The following ARID2 variants were observed in gnomAD, a reference collection of about 807,000 sequenced individuals.
ARID2 encodes AT-rich interactive domain-containing protein 2.
In ARID2, 32 loss-of-function variants were observed where a neutral mutation model predicts 184.6. That is an observed-to-expected ratio of 0.17 (90% CI 0.13 to 0.23). The LOEUF (loss-of-function observed/expected upper bound fraction) is 0.23, where lower values mean the gene tolerates loss of function less well. Among genes scored for constraint, ARID2 ranks in the 10% least tolerant of loss-of-function variants. ARID2 has a pLI of 1.00. For missense variants in ARID2, 1,696 were observed against 2,197.6 expected (o/e 0.77, Z 4.56); for synonymous variants, 836 against 772.6 (o/e 1.08, Z -1.36).
At chr12:45,781,519 A>C (rs1421598040) in intron 3 of ARID2, among the ~76,000 whole-genome samples, 1 of 150,804 alleles carries the variant, frequency 6.6e-6, no homozygotes, top group African/African-American at 2.4e-5. Context: ...GTAAGTACCA[A>C]GTCTTACAAG....
chr12:45,875,009 G>C (rs190381353), intron 16 of ARID2, among the ~76,000 whole-genome samples: 2 of 152,322 alleles, frequency 1.3e-5, no homozygotes, highest in Non-Finnish European at 2.9e-5. Context: ...TGTGGTCCCA[G>C]TTACTCAGGA....
At chr12:45,887,530 C>T (rs2138225800) in intron 16 of ARID2, among the ~76,000 whole-genome samples, 1 of 152,184 alleles carries the variant, frequency 6.6e-6, no homozygotes, top group Admixed American at 6.5e-5. Flanking sequence ...CAATAGAATC[C>T]AATGTTGTAG....
intron 6 of ARID2, among the ~76,000 whole-genome samples, chr12:45,833,364 G>A (rs1051530320): frequency 6.6e-6 from 1 of 152,036 alleles, no homozygotes. Flanking sequence ...TGCTAATTAT[G>A]TTCATATTTT....
At chr12:45,833,788 C>CAT (rs1943164255) in intron 6 of ARID2, among the ~76,000 whole-genome samples, 1 of 152,078 alleles carries the variant, frequency 6.6e-6, no homozygotes, top group Non-Finnish European at 1.5e-5. Flanking sequence ...TAATTACAGC[C>CAT]TCTTATAATT....
Position 45,902,323 on chromosome 12 carries a change from T to C in ARID2, c.5364-2611T>C, listed in dbSNP as rs533995822. 3.0e-4 allele frequency among the ~76,000 whole-genome samples: 46 copies of C among 152,320 alleles called. 1 individual carries two copies. The South Asian group carries it at 8.5e-3, about 28-fold the overall frequency. On this transcript the variant is annotated intron_variant, in intron 20 of 20. Coordinates refer to ENST00000334344, the MANE Select transcript of ARID2 (RefSeq NM_152641.4). ...TCAAAAAGGAAATTATTAGTTACTTTAAAATCATCCTAGTGATTTCAGTTT... is the reference window on the plus strand; with the variant it reads ...TCAAAAAGGAAATTATTAGTTACTTCAAAATCATCCTAGTGATTTCAGTTT...
chr12:45,894,588 ATTGTT>A (rs968777465), intron 20 of ARID2, among the ~76,000 whole-genome samples: 19 of 152,336 alleles, frequency 1.2e-4, no homozygotes, highest in African/African-American at 3.8e-4. Context: ...ATTTGACTAT[ATTGTT>A]TTAAGATTTC....
chr12:45,771,053 C>A (rs537680956), intron 3 of ARID2, among the ~76,000 whole-genome samples: 1 of 152,064 alleles, frequency 6.6e-6, no homozygotes, highest in Non-Finnish European at 1.5e-5. Flanking sequence ...TAATTTAAAT[C>A]CACACACACA....
At chr12:45,746,491 GT>G (rs111282602) in intron 3 of ARID2, among the ~76,000 whole-genome samples, 7 of 149,510 alleles carry the variant, frequency 4.7e-5, no homozygotes, top group Non-Finnish European at 8.9e-5. Flanking sequence ...ATATGCTAAA[GT>G]TTTTTTTTTA....
At chr12:45,752,881 CTGT>C (rs1011896856) in intron 3 of ARID2, among the ~76,000 whole-genome samples, 13 of 152,220 alleles carry the variant, frequency 8.5e-5, no homozygotes, top group African/African-American at 3.1e-4. Flanking sequence ...ATCGGGGATA[CTGT>C]TGTTCTGTAA....
intron 6 of ARID2, among the ~76,000 whole-genome samples, chr12:45,833,239 T>C (rs1943154985): frequency 6.6e-6 from 1 of 152,186 alleles, no homozygotes; most frequent in South Asian, 2.1e-4. Context: ...ATTACGATGT[T>C]TTAGACTTAC....
chr12:45,731,142 G>C (rs982840874), intron 2 of ARID2, 75 bp from the exon 3 acceptor site: 6 of 1,061,218 alleles, frequency 5.7e-6, no homozygotes, highest in South Asian at 1.3e-5. Flanking sequence ...CTGTAGAATG[G>C]GTATTTATTT....
intron 20 of ARID2, among the ~76,000 whole-genome samples, chr12:45,900,909 C>T (rs1308065585): frequency 6.6e-6 from 1 of 151,716 alleles, no homozygotes; most frequent in Non-Finnish European, 1.5e-5. Context: ...ATCTGTTTTC[C>T]CCCCTCTAGA....
intron 3 of ARID2, among the ~76,000 whole-genome samples, chr12:45,758,441 G>A (rs1005839148): frequency 6.6e-6 from 1 of 151,044 alleles, no homozygotes; most frequent in African/African-American, 2.4e-5. Context: ...TTTATGTGTC[G>A]CCTAAGGCAA....
chr12:45,833,917 A>T (rs1172939232), intron 6 of ARID2, among the ~76,000 whole-genome samples: 1 of 151,856 alleles, frequency 6.6e-6, no homozygotes, highest in African/African-American at 2.4e-5. Flanking sequence ...TCTCTGCATA[A>T]CTCTTCCCTT....
intron 12 of ARID2, among the ~76,000 whole-genome samples, chr12:45,848,595 T>C (rs1214831128): frequency 6.6e-6 from 1 of 152,128 alleles, no homozygotes; most frequent in East Asian, 1.9e-4. Flanking sequence ...CTCATTGGGA[T>C]GTGAACATAG....
In ARID2 at chr12:45,819,745, G is replaced by A. The variant is rs12310468; in HGVS notation, c.638-1675G>A. 9.6e-4 allele frequency among the ~76,000 whole-genome samples: 144 copies of A among 150,228 alleles called. 3 individuals are homozygous for A. The South Asian group carries it at 0.025, about 26-fold the overall frequency. ...TGGTGGGTTTTTTGTTTGTTTTTTT[G>A]GGTTTTTTTTTTTTAAGAGACAGAA... On this transcript the variant is annotated intron_variant, in intron 5 of 20. Transcript: ENST00000334344.
At chr12:45,848,061 G>A (rs928401941) in intron 12 of ARID2, among the ~76,000 whole-genome samples, 1 of 151,662 alleles carries the variant, frequency 6.6e-6, no homozygotes, top group East Asian at 1.9e-4. Context: ...CCAGTTGCAC[G>A]TTTCTGCTAT....
chr12:45,880,998 G>A, intron 16 of ARID2: 1 of 195,204 alleles, frequency 5.1e-6, no homozygotes, highest in Non-Finnish European at 1.1e-5. Flanking sequence ...TTGAGGCATT[G>A]GAGAAGCCAA....
rs755925127 is a variant in ARID2, at chr12:45,852,788, T to C, written c.4665T>C (p.Ala1555=). The C allele has an allele frequency of 1.2e-6, 2 of 1,614,154 alleles. No homozygotes were observed. The highest frequency in any genetic ancestry group is 2.2e-5 in the South Asian group (2 of 91,082). The change falls in exon 15 of 21, where the codon GCT becomes GCC. Residue 1555 remains alanine, a synonymous_variant. Coordinates refer to ENST00000334344, the MANE Select transcript of ARID2 (RefSeq NM_152641.4). ...NNAGCSATMV[A]VPAGADPSTV... ...CTGGCTGCAGCGCAACAATGGTTGC[T>C]GTGCCAGCAGGAGCAGATCCAAGCA...
Sources: allele counts gnomAD v4.1 joint callset (sites outside exome capture counted in the v4.1 genomes callset), GRCh38; gene constraint gnomAD v4.1.1; transcripts MANE v1.5; gene names NCBI Gene and HGNC (gene_info 2026-07-23, HGNC 2026-07-21).